PSMA2: variants seen among roughly 807,000 people sequenced by gnomAD.
The protein encoded by PSMA2 is proteasome subunit alpha type-2.
A neutral mutation model predicts 35.9 loss-of-function variants in PSMA2; 2 were observed. The ratio of observed to expected loss-of-function variants is 0.06; its 90% CI spans 0.02 to 0.18. The LOEUF (loss-of-function observed/expected upper bound fraction) is 0.18, where lower values mean the gene tolerates loss of function less well. Ranked by LOEUF, PSMA2 falls within the 10% of genes least tolerant of loss-of-function variation. PSMA2 has a pLI of 1.00. For synonymous variants in PSMA2, 97 were observed against 98.2 expected, an observed-to-expected ratio of 0.99 and a Z score of 0.07; for missense variants, 126 against 278.8, an observed-to-expected ratio of 0.45 and a Z score of 3.90.
Position 42,924,567 on chromosome 7 carries a change from G to A in PSMA2, c.374+108C>T, listed in dbSNP as rs1344440904. 5 of 1,131,230 alleles carry A rather than the reference G, an allele frequency of 4.4e-6. No individual in the cohort carries two copies. The African/African-American group carries it at 7.9e-5, about 18-fold the overall frequency. The allele number at this position is 1,131,230 out of a possible 1,614,324, so 70.1% of individuals were successfully genotyped here. A position where few individuals can be genotyped will look rare whatever the true frequency, so the allele number is the denominator to read the frequency against. On this transcript the variant is annotated intron_variant, in intron 4 of 7. Transcript: ENST00000223321. Reference sequence around the variant, plus strand: ...TTCATCATAGTGATTCTGTCCACTTGTTAAGCAAATACAGAAATGGTAAGT... The same window carrying A: ...TTCATCATAGTGATTCTGTCCACTTATTAAGCAAATACAGAAATGGTAAGT...
chr7:42,921,687 TG>T (rs1237336042), intron 6 of PSMA2, 170 bp downstream of exon 6: 7 of 428,844 alleles, frequency 1.6e-5, no homozygotes, highest in Non-Finnish European at 2.5e-5. Flanking sequence ...CTTAATATAC[TG>T]AAGTCTAGGA....
chr7:42,925,301 G>A (rs1399352443), intron 3 of PSMA2, among the ~76,000 whole-genome samples: 1 of 152,352 alleles, frequency 6.6e-6, no homozygotes, highest in East Asian at 1.9e-4. Context: ...GCTAGGTGCA[G>A]TGTTTCACGC....
intron 4 of PSMA2, among the ~76,000 whole-genome samples, chr7:42,924,237 G>A (rs960896136): frequency 1.3e-5 from 2 of 150,920 alleles, no homozygotes; most frequent in African/African-American, 2.4e-5. Context: ...CACGCCTGTG[G>A]TGCCAGCTAC....
In PSMA2 at chr7:42,927,560, T is replaced by C. The variant is rs559835683; in HGVS notation, c.42-101A>G. On this transcript the variant is annotated intron_variant, in intron 1 of 7. Transcript: ENST00000223321. ...AGACATACAGGTCAAATCCAATTTATCCAACTCCAGGGAGTAACTGGCCTT... is the reference window on the plus strand; with the variant it reads ...AGACATACAGGTCAAATCCAATTTACCCAACTCCAGGGAGTAACTGGCCTT... 8.6e-6 allele frequency: 10 copies of C among 1,164,344 alleles called. No individual in the cohort carries two copies. The East Asian group carries it at 1.3e-4, about 15-fold the overall frequency. The allele number at this position is 1,164,344 out of a possible 1,614,324, so 72.1% of individuals were successfully genotyped here.
In PSMA2 at chr7:42,929,342, G is replaced by A. The variant is rs867385947; in HGVS notation, c.42-1883C>T. Among the ~76,000 whole-genome samples, 10 of 152,112 alleles carry A rather than the reference G, an allele frequency of 6.6e-5. No individual in the cohort carries two copies. The Middle Eastern group carries it at 0.01, about 155-fold the overall frequency. On this transcript the variant is annotated intron_variant, in intron 1 of 7. Transcript: ENST00000223321. Reference sequence around the variant, plus strand: ...CAATAATCATATCATAACTTTCTGGGTCCATCCAGCTTTCAATTATTGTTC... The same window carrying A: ...CAATAATCATATCATAACTTTCTGGATCCATCCAGCTTTCAATTATTGTTC...
chr7:42,929,846 C>A (rs1786269164), intron 1 of PSMA2, among the ~76,000 whole-genome samples: 1 of 152,216 alleles, frequency 6.6e-6, no homozygotes. Flanking sequence ...TCAGGGCTTT[C>A]ATACATGCTG....
rs150444926 is a variant in PSMA2 at position 42,926,625 on chromosome 7, G to A, written c.162C>T (p.Ser54=). ...VVLATEKKQK[S]ILYDERSVHK... ...GTACACTTCGCTCATCATACAGAATGGATTTCTGTTTTTTCTCAGTTGCTA... is the reference window on the plus strand; with the variant it reads ...GTACACTTCGCTCATCATACAGAATAGATTTCTGTTTTTTCTCAGTTGCTA... The change falls in exon 3 of 8, where the codon TCC becomes TCT. Residue 54 remains serine, a synonymous_variant. Transcript: ENST00000223321. 2.7e-4 allele frequency: 435 copies of A among 1,611,230 alleles called. No individual in the cohort carries two copies. The African/African-American group carries it at 4.8e-3, about 18-fold the overall frequency.
intron 6 of PSMA2, chr7:42,919,560 T>C: frequency 1.9e-6 from 1 of 517,938 alleles, no homozygotes; most frequent in South Asian, 1.6e-5. Context: ...GGGATCATGC[T>C]ACTATGACAG....
chr7:42,922,253 A>G (rs1177764788), intron 5 of PSMA2, among the ~76,000 whole-genome samples: 2 of 152,138 alleles, frequency 1.3e-5, no homozygotes, highest in African/African-American at 4.8e-5. Flanking sequence ...AAAATTATGT[A>G]AAAAATCCAG....
Position 42,917,399 on chromosome 7 carries a change from A to G in PSMA2, c.*175T>C, listed in dbSNP as rs1786048607. 1.9e-6 allele frequency: 1 copy of G among 524,620 alleles called. No homozygotes were observed. The highest frequency in any genetic ancestry group is 3.4e-6 in the Non-Finnish European group (1 of 298,310). 32.5% of individuals were successfully genotyped at this position (524,620 alleles called of 1,614,324 possible). ...ACTGTTAAAATTTTAGCAACTCCTA[A>G]AAGGCTGGAAGGTGGGTTTAACAGT... On this transcript the variant is annotated 3_prime_UTR_variant, in exon 8 of 8. Coordinates refer to ENST00000223321, the MANE Select transcript of PSMA2 (RefSeq NM_002787.5).
chr7:42,917,830 T>C lies in PSMA2; in HGVS notation c.536A>G (p.Asn179Ser), dbSNP rs1562699552. 7 of 1,598,910 alleles carry C rather than the reference T, an allele frequency of 4.4e-6. No homozygotes were observed. The South Asian group carries it at 4.5e-5, about 10-fold the overall frequency. ...GGCATCTTCAAGTTCCAGATCTTCA[T>C]TATATCTGAAGAATTTAAAAAAAAT... ...NGKTFLEKRY[N>S]EDLELEDAIH... The change falls in exon 7 of 8, where the codon AAT becomes AGT. Residue 179 changes from asparagine to serine, a missense_variant. Transcript: ENST00000223321.
In PSMA2 at chr7:42,925,309, C is replaced by T. The variant is rs137866359; in HGVS notation, c.252-512G>A. 1.1e-4 allele frequency among the ~76,000 whole-genome samples: 16 copies of T among 152,290 alleles called. No individual in the cohort carries two copies. The East Asian group carries it at 1.7e-3, about 17-fold the overall frequency. On this transcript the variant is annotated intron_variant, in intron 3 of 7. Coordinates refer to ENST00000223321, the MANE Select transcript of PSMA2 (RefSeq NM_002787.5). ...AAATTCGGCTAGGTGCAGTGTTTCA[C>T]GCCTGTAATCCCAACACTTTAAAAG...
chr7:42,930,827 A>G (rs1012904885), intron 1 of PSMA2, among the ~76,000 whole-genome samples: 1 of 152,072 alleles, frequency 6.6e-6, no homozygotes, highest in Non-Finnish European at 1.5e-5. Context: ...TCCCTAAAAA[A>G]AGGACCACAT....
Position 42,917,389 on chromosome 7 carries a change from G to A in PSMA2, c.*185C>T. The A allele has an allele frequency of 2.0e-6, 1 of 488,984 alleles. No homozygotes were observed. The highest frequency in any genetic ancestry group is 3.6e-6 in the Non-Finnish European group (1 of 275,908). The allele number at this position is 488,984 out of a possible 1,614,324, so 30.3% of individuals were successfully genotyped here. ...GCAGGAAATAACTGTTAAAATTTTA[G>A]CAACTCCTAAAAGGCTGGAAGGTGG... is the stretch of plus-strand genomic sequence containing the variant. On this transcript the variant is annotated 3_prime_UTR_variant, in exon 8 of 8. Coordinates refer to ENST00000223321, the MANE Select transcript of PSMA2 (RefSeq NM_002787.5).
intron 5 of PSMA2, among the ~76,000 whole-genome samples, chr7:42,922,393 T>C (rs995925655): frequency 6.6e-6 from 1 of 152,080 alleles, no homozygotes; most frequent in Non-Finnish European, 1.5e-5. Context: ...ATTAGTGAAT[T>C]AAAAAGAGAG....
At chr7:42,919,439 C>T (rs1034277693) in intron 6 of PSMA2, 13 of 544,470 alleles carry the variant, frequency 2.4e-5, no homozygotes, top group East Asian at 4.8e-5. Context: ...TGAACAAACC[C>T]GAAGCAGAAC....
chr7:42,928,194 T>A (rs962992272), intron 1 of PSMA2, among the ~76,000 whole-genome samples: 3 of 152,160 alleles, frequency 2.0e-5, no homozygotes, highest in African/African-American at 7.2e-5. Flanking sequence ...GAAATCACCG[T>A]CCCCTACAAG....
chr7:42,925,959 C>G (rs1786206072), intron 3 of PSMA2, among the ~76,000 whole-genome samples: 1 of 152,212 alleles, frequency 6.6e-6, no homozygotes, highest in Non-Finnish European at 1.5e-5. Flanking sequence ...AGCTGTCAAT[C>G]TCTTTCAACT....
intron 4 of PSMA2, 26 bp downstream of exon 4, chr7:42,924,649 C>A (rs1317935478): frequency 1.3e-6 from 2 of 1,599,048 alleles, no homozygotes; most frequent in Admixed American, 1.7e-5. Flanking sequence ...ATTCATGGCA[C>A]ATTTCAAGTA....
Sources: allele counts gnomAD v4.1 joint callset (sites outside exome capture counted in the v4.1 genomes callset), GRCh38; gene constraint gnomAD v4.1.1; transcripts MANE v1.5; gene names NCBI Gene and HGNC (gene_info 2026-07-23, HGNC 2026-07-21).